The following PXDN variants were observed in gnomAD, a reference collection of about 807,000 sequenced individuals.
PXDN encodes peroxidasin.
In PXDN, 77 loss-of-function variants were observed where a neutral mutation model predicts 140.3. That is an observed-to-expected ratio of 0.55 (90% confidence interval 0.46 to 0.66). The LOEUF is 0.66. Among genes scored for constraint, PXDN ranks in the 30% least tolerant of loss-of-function variants. The probability of loss-of-function intolerance (pLI) is 0.00; values close to 1 mark genes in which losing one functional copy is unlikely to be tolerated. For missense variants in PXDN, 1,838 were observed against 2,039.5 expected, an observed-to-expected ratio of 0.90 and a Z score of 1.90; for synonymous variants, 911 against 857.4, an observed-to-expected ratio of 1.06 and a Z score of -1.09.
Position 1,634,171 on chromosome 2 carries a change from C to A in PXDN, c.*33G>T. 6.4e-7 allele frequency: 1 copy of A among 1,553,610 alleles called. No individual in the cohort carries two copies. Among genetic ancestry groups the A allele is most frequent in the Non-Finnish European group, 8.7e-7 (1 of 1,147,860 alleles). On this transcript the variant is annotated 3_prime_UTR_variant, in exon 23 of 23. Coordinates refer to ENST00000252804, the MANE Select transcript of PXDN (RefSeq NM_012293.3). ...TCGGCCACCCGATCTCACGATGGCA[C>A]AGCAGACAAACTCTGAGGAGCCTCC...
chr2:1,676,339 C>G (rs1255868415), intron 8 of PXDN: 1 of 153,518 alleles, frequency 6.5e-6, no homozygotes, highest in Non-Finnish European at 1.5e-5. Flanking sequence ...CTCCGTCACC[C>G]TGACAGCCGC....
rs188447572 is a variant in PXDN at position 1,693,571 on chromosome 2, G to A, written c.201-437C>T. On this transcript the variant is annotated intron_variant, in intron 1 of 22. Coordinates refer to ENST00000252804, the MANE Select transcript of PXDN (RefSeq NM_012293.3). ...GGAATTAGGCTCTTCCTTAGTCAAC[G>A]ACCTAAACTGCTACCTTCATGAGAT... 2.0e-4 allele frequency among the ~76,000 whole-genome samples: 30 copies of A among 152,208 alleles called. No homozygotes were observed. The East Asian group carries it at 5.6e-3, about 28-fold the overall frequency.
chr2:1,712,774 G>A (rs1684813783), intron 1 of PXDN, among the ~76,000 whole-genome samples: 1 of 152,148 alleles, frequency 6.6e-6, no homozygotes, highest in South Asian at 2.1e-4. Flanking sequence ...GCCCAGGCTG[G>A]AGTGCAGTGG....
At chr2:1,671,433 G>C (rs1162243217) in intron 9 of PXDN, among the ~76,000 whole-genome samples, 1 of 151,812 alleles carries the variant, frequency 6.6e-6, no homozygotes, top group Non-Finnish European at 1.5e-5. Flanking sequence ...CTAGCTCTAT[G>C]TTATTTATAT....
rs1251950901 is a variant in PXDN, at chr2:1,703,137, G to A, written c.201-10003C>T. ...GAAGGGGGGACAGCTCCAGGTGAAG[G>A]GGGGACAGCTCCAGGTGAAGGAGGG... is the stretch of plus-strand genomic sequence containing the variant. On this transcript the variant is annotated intron_variant, in intron 1 of 22. Transcript: ENST00000252804. 4.0e-4 allele frequency among the ~76,000 whole-genome samples: 13 copies of A among 32,656 alleles called. 1 individual carries two copies. The highest frequency in any genetic ancestry group is 1.6e-3 in the African/African-American group (12 of 7,320). 21.4% of individuals were successfully genotyped at this position (32,656 alleles called of 152,430 possible). A position where few individuals can be genotyped will look rare whatever the true frequency, so the allele number is the denominator to read the frequency against.
intron 1 of PXDN, among the ~76,000 whole-genome samples, chr2:1,717,542 A>G (rs1371833820): frequency 1.3e-5 from 2 of 152,136 alleles, no homozygotes; most frequent in Non-Finnish European, 2.9e-5. Flanking sequence ...CACCTAATTT[A>G]CCTAATAGAT....
intron 1 of PXDN, among the ~76,000 whole-genome samples, chr2:1,709,490 G>A (rs1684703263): frequency 6.6e-6 from 1 of 151,404 alleles, no homozygotes; most frequent in African/African-American, 2.4e-5. Flanking sequence ...CAGCAGGGCT[G>A]GGGTGCAGCA....
chr2:1,699,391 T>C (rs1684369001), intron 1 of PXDN, among the ~76,000 whole-genome samples: 1 of 152,226 alleles, frequency 6.6e-6, no homozygotes, highest in Admixed American at 6.5e-5. Context: ...TCAGATGTGT[T>C]TGAATTCATT....
In PXDN at chr2:1,658,081, T is replaced by TCTCTCTCTCC. The variant is rs1683205510; in HGVS notation, c.1837+2799_1837+2800insGGAGAGAGAG. ...CTCTCTCTCTCTCTCTCTCTCTCTCTCTCTCTCTCTCTGTTACAGTGTCTG... is the reference window on the plus strand; with the variant it reads ...CTCTCTCTCTCTCTCTCTCTCTCTCTCTCTCTCTCCCTCTCTCTCTCTGTTACAGTGTCTG... On this transcript the variant is annotated intron_variant, in intron 14 of 22. Coordinates refer to ENST00000252804, the MANE Select transcript of PXDN (RefSeq NM_012293.3). Among the ~76,000 whole-genome samples, 2 of 22,048 alleles carry TCTCTCTCTCC rather than the reference T, an allele frequency of 9.1e-5. 1 individual carries two copies. The highest frequency in any genetic ancestry group is 5.0e-4 in the African/African-American group (2 of 4,032). The allele number at this position is 22,048 out of a possible 152,430, so 14.5% of individuals were successfully genotyped here.
At chr2:1,674,914 T>A (rs548177253) in intron 8 of PXDN, among the ~76,000 whole-genome samples, 1 of 152,294 alleles carries the variant, frequency 6.6e-6, no homozygotes, top group East Asian at 1.9e-4. Flanking sequence ...GGGTCGCTCA[T>A]GCAGGAGGAG....
In PXDN at chr2:1,685,811, G is replaced by A. The variant is rs556966982; in HGVS notation, c.417-1660C>T. On this transcript the variant is annotated intron_variant, in intron 4 of 22. Transcript: ENST00000252804. This position sits in a 1 kb window ranked among gnomAD's most constrained non-coding sequence, Gnocchi z 5.1. ...GCTGGGGCCCCAGGCAGCCTGGGGT[G>A]TCCTCCACCCCTCCCTGAACAATTG... 7.2e-5 allele frequency among the ~76,000 whole-genome samples: 11 copies of A among 152,108 alleles called. No homozygotes were observed. The highest frequency in any genetic ancestry group is 2.7e-4 in the African/African-American group (11 of 41,506).
chr2:1,664,882 T>C, intron 11 of PXDN, 76 bp downstream of exon 11: 5 of 1,283,704 alleles, frequency 3.9e-6, no homozygotes, highest in Non-Finnish European at 5.5e-6. Context: ...TGGGGTTGCC[T>C]GGGCACAGTG....
At chr2:1,737,425 C>A (rs1558533559) in intron 1 of PXDN, among the ~76,000 whole-genome samples, 3 of 152,178 alleles carry the variant, frequency 2.0e-5, no homozygotes. Context: ...TTTTTGTCAG[C>A]TTCAGTTTAC....
Position 1,714,020 on chromosome 2 carries a change from T to A in PXDN, c.201-20886A>T, listed in dbSNP as rs1333892449. Among the ~76,000 whole-genome samples, 1 of 152,200 alleles carries A rather than the reference T, an allele frequency of 6.6e-6. No homozygotes were observed. Among genetic ancestry groups the A allele is most frequent in the Non-Finnish European group, 1.5e-5 (1 of 68,024 alleles). On this transcript the variant is annotated intron_variant, in intron 1 of 22. Transcript: ENST00000252804. The surrounding 1 kb of genome is among the most constrained non-coding windows in gnomAD (Gnocchi z 4.3). ...TGAAGTTTCATGTCACCCTGAAACA[T>A]GGCCCAGCCTGGGCAACCTACGATA...
At position 1,653,736 on chromosome 2, in the gene PXDN, C is replaced by T. The variant is rs1683066501; in HGVS notation, c.1996G>A (p.Asp666Asn). 6.3e-7 allele frequency: 1 copy of T among 1,595,578 alleles called. No individual in the cohort carries two copies. Among genetic ancestry groups the T allele is most frequent in the Non-Finnish European group, 8.5e-7 (1 of 1,170,860 alleles). Residue 666 changes from aspartate (D) to asparagine (N), a missense_variant, in exon 16 of 23, where the codon GAT becomes AAT. Coordinates refer to ENST00000252804, the MANE Select transcript of PXDN (RefSeq NM_012293.3). ...CGTGCCTGTTCAACTGTGTAAGGAT[C>T]CCTCGGATACCGGAACAAGGCCAGC... Reference protein sequence around the residue: ...DLLALFRYPRDPYTVEQARAG... With the variant: ...DLLALFRYPRNPYTVEQARAG...
intron 18 of PXDN, 43 bp downstream of exon 18, chr2:1,644,574 AG>A (rs1682807040): frequency 6.5e-7 from 1 of 1,534,986 alleles, no homozygotes; most frequent in Non-Finnish European, 8.8e-7. Context: ...GTCCCTAAGA[AG>A]GTGGCTTAGG....
chr2:1,653,826 A>G, intron 15 of PXDN, 41 bp from the exon 16 acceptor site: 1 of 1,494,310 alleles, frequency 6.7e-7, no homozygotes, highest in Non-Finnish European at 9.1e-7. Context: ...AATGAAACAA[A>G]TTACTGAAGA....
At chr2:1,635,861 T>G (rs1682543575) in intron 21 of PXDN, 2 of 359,460 alleles carry the variant, frequency 5.6e-6, no homozygotes, top group South Asian at 4.5e-5. Context: ...TCACTCAGAA[T>G]CCCCAGAGTC....
chr2:1,690,452 G>A (rs59057871), intron 3 of PXDN, among the ~76,000 whole-genome samples: 6,933 of 152,126 alleles, frequency 0.046, 467 homozygotes, highest in East Asian at 0.29. Flanking sequence ...CACTTTGAAC[G>A]TGTTTGCTGA....
Sources: gnomAD v4.1 joint callset for allele counts (sites outside exome capture counted in the v4.1 genomes callset) on GRCh38, gnomAD v4.1.1 for gene constraint, Gnocchi (gnomAD v3.1) non-coding constraint, MANE v1.5 for transcripts, NCBI Gene and HGNC (gene_info 2026-07-23, HGNC 2026-07-21) for gene names.